The following UBE2E2 variants were observed in gnomAD, a reference collection of about 807,000 sequenced individuals.
UBE2E2 encodes the protein ubiquitin conjugating enzyme E2 E2.
In UBE2E2, 6 loss-of-function variants were observed where a neutral mutation model predicts 24.7. The observed-to-expected ratio is 0.24, with a 90% CI of 0.13 to 0.48. The LOEUF (loss-of-function observed/expected upper bound fraction) is 0.48, where lower values mean the gene tolerates loss of function less well. Among genes scored for constraint, UBE2E2 ranks in the 20% least tolerant of loss-of-function variants. UBE2E2 has a pLI of 0.99. For synonymous variants in UBE2E2, 104 were observed against 83.6 expected (o/e 1.24, Z -1.33); for missense variants, 169 against 245.0 (o/e 0.69, Z 2.07).
intron 3 of UBE2E2, among the ~76,000 whole-genome samples, chr3:23,437,906 C>T (rs1698218522): frequency 6.6e-6 from 1 of 152,180 alleles, no homozygotes; most frequent in Non-Finnish European, 1.5e-5. Context: ...ATGAAATCAG[C>T]AAGTTTTAAA....
chr3:23,291,906 C>T (rs1307448505), intron 3 of UBE2E2, among the ~76,000 whole-genome samples: 3 of 134,234 alleles, frequency 2.2e-5, no homozygotes, highest in Non-Finnish European at 3.1e-5. Flanking sequence ...TGGCCCAGGC[C>T]AGAGTGCAGT....
intron 4 of UBE2E2, among the ~76,000 whole-genome samples, chr3:23,509,944 A>G (rs1396872646): frequency 1.3e-5 from 2 of 152,028 alleles, no homozygotes; most frequent in African/African-American, 2.4e-5. Context: ...TCCATGGTGT[A>G]TATGTGCCAC....
chr3:23,373,535 A>C (rs2125342588), intron 3 of UBE2E2, among the ~76,000 whole-genome samples: 1 of 152,298 alleles, frequency 6.6e-6, no homozygotes, highest in Admixed American at 6.5e-5. Context: ...ACTTCCAGTT[A>C]AGTTGAGGGA....
intron 5 of UBE2E2, among the ~76,000 whole-genome samples, chr3:23,552,874 T>G (rs77580737): frequency 6.6e-6 from 1 of 152,324 alleles, no homozygotes; most frequent in African/African-American, 2.4e-5. Context: ...TCCATGCTGT[T>G]TTCAATCCAG....
chr3:23,382,382 A>G (rs538439087), intron 3 of UBE2E2, among the ~76,000 whole-genome samples: 1 of 151,998 alleles, frequency 6.6e-6, no homozygotes, highest in African/African-American at 2.4e-5. Flanking sequence ...GGGTTTTACC[A>G]TGTTGGCCAG....
intron 3 of UBE2E2, among the ~76,000 whole-genome samples, chr3:23,315,188 C>T (rs1461340197): frequency 1.3e-5 from 2 of 152,124 alleles, no homozygotes; most frequent in Non-Finnish European, 2.9e-5. Flanking sequence ...TCCCACTCTT[C>T]CCCTCCCCTT....
At chr3:23,222,282 C>T (rs1696669985) in intron 3 of UBE2E2, among the ~76,000 whole-genome samples, 1 of 152,150 alleles carries the variant, frequency 6.6e-6, no homozygotes, top group African/African-American at 2.4e-5. Flanking sequence ...CATATTTTAG[C>T]TATTGTGAAT....
intron 5 of UBE2E2, among the ~76,000 whole-genome samples, chr3:23,544,495 A>G (rs1049949524): frequency 1.3e-5 from 2 of 152,252 alleles, no homozygotes; most frequent in Admixed American, 6.5e-5. Flanking sequence ...TCAAGCTACA[A>G]TGAAATTCAC....
intron 3 of UBE2E2, among the ~76,000 whole-genome samples, chr3:23,486,170 T>C (rs1699365378): frequency 6.6e-6 from 1 of 152,128 alleles, no homozygotes; most frequent in African/African-American, 2.4e-5. Context: ...TGAGCAATCA[T>C]GAGGTCTGCC....
chr3:23,329,805 C>T (rs1009189975), intron 3 of UBE2E2, among the ~76,000 whole-genome samples: 1 of 152,290 alleles, frequency 6.6e-6, no homozygotes, highest in East Asian at 1.9e-4. Flanking sequence ...CAGGAAATCC[C>T]CACCATCTTT....
intron 5 of UBE2E2, among the ~76,000 whole-genome samples, chr3:23,584,107 G>C (rs1696549282): frequency 6.6e-6 from 1 of 152,146 alleles, no homozygotes; most frequent in Non-Finnish European, 1.5e-5. Flanking sequence ...TGCCTAGTTT[G>C]TTGAGGGTTT....
At chr3:23,284,477 A>G (rs1223121737) in intron 3 of UBE2E2, among the ~76,000 whole-genome samples, 1 of 152,200 alleles carries the variant, frequency 6.6e-6, no homozygotes, top group East Asian at 1.9e-4. Context: ...CCCCAAGGCA[A>G]CTTGGAAGTG....
chr3:23,484,149 C>G (rs1219907502), intron 3 of UBE2E2, among the ~76,000 whole-genome samples: 1 of 152,244 alleles, frequency 6.6e-6, no homozygotes, highest in African/African-American at 2.4e-5. Flanking sequence ...AACCCGCTTT[C>G]TTCTCCCTGC....
At chr3:23,544,683 C>G (rs997863456) in intron 5 of UBE2E2, among the ~76,000 whole-genome samples, 1 of 152,188 alleles carries the variant, frequency 6.6e-6, no homozygotes, top group African/African-American at 2.4e-5. Flanking sequence ...GGTTGCCCCT[C>G]CACACCTGTG....
chr3:23,389,675 CT>C, intron 3 of UBE2E2: 1 of 260,258 alleles, frequency 3.8e-6, no homozygotes. Flanking sequence ...TCGTGGCTGG[CT>C]TTGAGGGGGA....
At chr3:23,236,671 T>C (rs532436952) in intron 3 of UBE2E2, among the ~76,000 whole-genome samples, 30 of 152,162 alleles carry the variant, frequency 2.0e-4, no homozygotes, top group Non-Finnish European at 3.4e-4. Context: ...TATATTCTTC[T>C]TCATTTTTGC....
intron 3 of UBE2E2, among the ~76,000 whole-genome samples, chr3:23,398,907 C>A (rs935086763): frequency 6.6e-6 from 1 of 152,078 alleles, no homozygotes; most frequent in Non-Finnish European, 1.5e-5. Context: ...AGAATAAGAA[C>A]TTTTTCTTAG....
intron 2 of UBE2E2, among the ~76,000 whole-genome samples, chr3:23,212,772 T>C (rs1696364688): frequency 6.6e-6 from 1 of 152,104 alleles, no homozygotes; most frequent in Admixed American, 6.5e-5. Flanking sequence ...TAAAAGTACA[T>C]TTTAAAACTT....
At chr3:23,510,325 G>T (rs1694565516) in intron 4 of UBE2E2, among the ~76,000 whole-genome samples, 1 of 152,198 alleles carries the variant, frequency 6.6e-6, no homozygotes, top group Non-Finnish European at 1.5e-5. Flanking sequence ...GCATCTAGGG[G>T]ACTGGGCATG....
Sources: allele counts gnomAD v4.1 joint callset (sites outside exome capture counted in the v4.1 genomes callset), GRCh38; gene constraint gnomAD v4.1.1; transcripts MANE v1.5; gene names NCBI Gene and HGNC (gene_info 2026-07-23, HGNC 2026-07-21).